Variants in WFDC2 observed in about 807,000 individuals in gnomAD.
WFDC2 encodes the protein WAP four-disulfide core domain protein 2.
A neutral mutation model predicts 12.5 loss-of-function variants in WFDC2; 8 were observed. The observed-to-expected ratio is 0.64, with a 90% CI of 0.37 to 1.15. WFDC2 has a LOEUF of 1.15. Among genes scored for constraint, WFDC2 ranks in the 50% most tolerant of loss-of-function variants. The pLI is 0.01. For missense variants in WFDC2, 166 were observed against 159.9 expected (o/e 1.04, Z -0.21); for synonymous variants, 74 against 67.2 (o/e 1.10, Z -0.49).
chr20:45,471,779 A>C (rs1270453022), intron 2 of WFDC2, among the ~76,000 whole-genome samples: 1 of 152,206 alleles, frequency 6.6e-6, no homozygotes, highest in Non-Finnish European at 1.5e-5. Context: ...AAGAGGGACA[A>C]GGTCAGATGG....
At chr20:45,471,859 G>A (rs1848763821) in intron 2 of WFDC2, among the ~76,000 whole-genome samples, 1 of 132,064 alleles carries the variant, frequency 7.6e-6, no homozygotes, top group South Asian at 2.6e-4. Context: ...ATGTGATCCT[G>A]AGCATGTTGT....
rs538749114 is a variant in WFDC2, at chr20:45,481,136, G to A, written c.*2-235G>A. ...CCACAGTATACCCAGGTGCCTGCTA[G>A]GGATGGTCTGACCACAGTATACCCA... is the stretch of plus-strand genomic sequence containing the variant. On this transcript the variant is annotated intron_variant, in intron 3 of 3. Coordinates refer to ENST00000372676, the MANE Select transcript of WFDC2 (RefSeq NM_006103.4). Among the ~76,000 whole-genome samples the A allele has an allele frequency of 6.6e-5, 10 of 152,162 alleles. No homozygotes were observed. The South Asian group carries it at 1.9e-3, about 28-fold the overall frequency.
In WFDC2 at chr20:45,470,443, G is replaced by C. The variant is rs1003038566; in HGVS notation, c.134G>C (p.Cys45Ser). 1 of 1,594,702 alleles carries C rather than the reference G, an allele frequency of 6.3e-7. No individual in the cohort carries two copies. The highest frequency in any genetic ancestry group is 8.5e-7 in the Non-Finnish European group (1 of 1,169,814). Residue 45 changes from cysteine to serine, a missense_variant, in exon 2 of 4, where the codon TGC becomes TCC. Coordinates refer to ENST00000372676, the MANE Select transcript of WFDC2 (RefSeq NM_006103.4). The surrounding 1 kb of genome is among the most constrained non-coding windows in gnomAD (Gnocchi z 5.4). The part of the protein sequence containing the change: ...VCPELQADQN[C>S]TQECVSDSEC... ...CCCGAGCTCCAGGCTGACCAGAACT[G>C]CACGCAAGAGTGCGTCTCGGACAGC...
intron 2 of WFDC2, among the ~76,000 whole-genome samples, chr20:45,477,203 C>A (rs976095247): frequency 6.6e-6 from 1 of 152,078 alleles, no homozygotes; most frequent in Non-Finnish European, 1.5e-5. Context: ...CATTCTCCGT[C>A]CAGTTTTGTT....
At chr20:45,476,118 CT>C in intron 2 of WFDC2, among the ~76,000 whole-genome samples, 1 of 152,268 alleles carries the variant, frequency 6.6e-6, no homozygotes, top group Non-Finnish European at 1.5e-5. Flanking sequence ...TGGGTCTTGA[CT>C]CTTTATCCAA....
chr20:45,480,091 T>C lies in WFDC2; in HGVS notation c.373T>C (p.Ter125ArgextTer39), dbSNP rs1991283640. 1.2e-6 allele frequency: 2 copies of C among 1,613,608 alleles called. No homozygotes were observed. Among genetic ancestry groups the C allele is most frequent in the East Asian group, 2.2e-5 (1 of 44,866 alleles). ...GKVSCVTPNF[*>R] ...GGTGTCCTGTGTCACTCCCAATTTC[T>C]GAGGTAAGTGAACGGGAAAGAGAAA... is the stretch of plus-strand genomic sequence containing the variant. Residue 125 changes from the stop codon to arginine, a stop_lost, in exon 3 of 4, where the codon TGA becomes CGA. Transcript: ENST00000372676.
Position 45,470,392 on chromosome 20 carries a change from C to G in WFDC2, c.83C>G (p.Thr28Arg). The G allele has an allele frequency of 3.2e-6, 5 of 1,585,414 alleles. No individual in the cohort carries two copies. Among genetic ancestry groups the G allele is most frequent in the Non-Finnish European group, 4.3e-6 (5 of 1,164,944 alleles). ...LLFGFTLVSG[T>R]GAEKTGVCPE... ...TGTCCCGGGCCTCCCCTCCCAGGCA[C>G]AGGAGCAGAGAAGACTGGCGTGTGC... The change falls in exon 2 of 4, where the codon ACA becomes AGA. Residue 28 changes from threonine to arginine, a missense_variant. Physicochemically the swap from Thr to Arg is moderately conservative, Grantham distance 71 (BLOSUM62 -1). Transcript: ENST00000372676. This position sits in a 1 kb window ranked among gnomAD's most constrained non-coding sequence, Gnocchi z 5.4.
chr20:45,470,382 C>A lies in WFDC2; in HGVS notation c.80-7C>A. On this transcript the variant is annotated splice_region_variant and splice_polypyrimidine_tract_variant and intron_variant, in intron 1 of 3. Transcript: ENST00000372676. This position sits in a 1 kb window ranked among gnomAD's most constrained non-coding sequence, Gnocchi z 5.4. ...CACCCTCGACTGTCCCGGGCCTCCC[C>A]TCCCAGGCACAGGAGCAGAGAAGAC... 1 of 1,579,384 alleles carries A rather than the reference C, an allele frequency of 6.3e-7. No homozygotes were observed. Among genetic ancestry groups the A allele is most frequent in the East Asian group, 2.3e-5 (1 of 43,126 alleles).
At chr20:45,476,152 C>T (rs2092368) in intron 2 of WFDC2, among the ~76,000 whole-genome samples, 49,223 of 152,012 alleles carry the variant, frequency 0.32, 9,423 homozygotes, top group East Asian at 0.62. Flanking sequence ...TGTCTTTTAA[C>T]TGGGGCATTT....
At chr20:45,477,059 C>A (rs945883268) in intron 2 of WFDC2, among the ~76,000 whole-genome samples, 10 of 151,922 alleles carry the variant, frequency 6.6e-5, no homozygotes, top group African/African-American at 2.4e-4. Flanking sequence ...ACTGGTTAAT[C>A]TAGTTAGCAA....
chr20:45,480,684 T>C (rs113884593), intron 3 of WFDC2, among the ~76,000 whole-genome samples: 1 of 152,184 alleles, frequency 6.6e-6, no homozygotes, highest in Non-Finnish European at 1.5e-5. Flanking sequence ...GTGGTTGTCA[T>C]GTGCTACTTT....
chr20:45,472,791 A>C (rs530850838), intron 2 of WFDC2, among the ~76,000 whole-genome samples: 22 of 152,340 alleles, frequency 1.4e-4, no homozygotes, highest in Non-Finnish European at 2.6e-4. Context: ...TGGTTGAACT[A>C]ATTTACACTC....
At chr20:45,477,880 G>C (rs1036535883) in intron 2 of WFDC2, among the ~76,000 whole-genome samples, 1 of 152,234 alleles carries the variant, frequency 6.6e-6, no homozygotes, top group Non-Finnish European at 1.5e-5. Context: ...AATCTAGAGA[G>C]GCAGTCTGGC....
intron 2 of WFDC2, among the ~76,000 whole-genome samples, chr20:45,473,696 G>A (rs1991199966): frequency 6.6e-6 from 1 of 152,138 alleles, no homozygotes; most frequent in African/African-American, 2.4e-5. Context: ...GAAATTTAAA[G>A]TCGTTTTTTC....
In WFDC2 at chr20:45,481,514, A is replaced by G. The variant is rs1254855008; in HGVS notation, c.*145A>G. ...ACAGCTTCTCCCTTTCCCAACCAAT[A>G]AAGTAACCACTTTCAGCACGTTCTG... is the stretch of plus-strand genomic sequence containing the variant. On this transcript the variant is annotated 3_prime_UTR_variant, in exon 4 of 4. Coordinates refer to ENST00000372676, the MANE Select transcript of WFDC2 (RefSeq NM_006103.4). 6.6e-6 allele frequency: 1 copy of G among 152,316 alleles called. No homozygotes were observed. Among genetic ancestry groups the G allele is most frequent in the Non-Finnish European group, 1.5e-5 (1 of 68,162 alleles). 9.4% of individuals were successfully genotyped at this position (152,316 alleles called of 1,614,324 possible). A position where few individuals can be genotyped will look rare whatever the true frequency, so the allele number is the denominator to read the frequency against.
In WFDC2 at chr20:45,469,801, G is replaced by T; in HGVS notation, c.20G>T (p.Gly7Val). 6.2e-7 allele frequency: 1 copy of T among 1,610,094 alleles called. No individual in the cohort carries two copies. Among genetic ancestry groups the T allele is most frequent in the Non-Finnish European group, 8.5e-7 (1 of 1,178,596 alleles). Residue 7 changes from glycine to valine, a missense_variant, in exon 1 of 4, where the codon GGC (glycine) becomes GTC (valine). Physicochemically the swap from Gly to Val is moderately radical, Grantham distance 109. Coordinates refer to ENST00000372676, the MANE Select transcript of WFDC2 (RefSeq NM_006103.4). MPACRLGPLAAALLLSL... is the reference protein window; with the variant it reads MPACRLVPLAAALLLSL... The stretch of plus-strand genomic sequence containing the variant: ...AGCACCATGCCTGCTTGTCGCCTAG[G>T]CCCGCTAGCCGCCGCCCTCCTCCTC...
chr20:45,478,288 G>A (rs1050594588), intron 2 of WFDC2, among the ~76,000 whole-genome samples: 6 of 152,178 alleles, frequency 3.9e-5, no homozygotes, highest in Admixed American at 6.5e-5. Flanking sequence ...GGCCCTGGTG[G>A]TGTAGGCACC....
At position 45,470,509 on chromosome 20, in the gene WFDC2, C is replaced by T. The variant is rs1409327143; in HGVS notation, c.200C>T (p.Ala67Val). ...CTCAAGTGCTGCAGCGCGGGCTGTG[C>T]CACCTTCTGCTCTCTGCCCAATGGT... ...DNLKCCSAGC[A>V]TFCSLPNDKE... Residue 67 changes from alanine (A) to valine (V), a missense_variant, in exon 2 of 4, where the codon GCC (alanine) becomes GTC (valine). Transcript: ENST00000372676. This position sits in a 1 kb window ranked among gnomAD's most constrained non-coding sequence, Gnocchi z 5.4. The T allele has an allele frequency of 1.3e-6, 2 of 1,598,506 alleles. No individual in the cohort carries two copies. Among genetic ancestry groups the T allele is most frequent in the Non-Finnish European group, 1.7e-6 (2 of 1,172,254 alleles).
intron 2 of WFDC2, chr20:45,471,274 T>C (rs948609282): frequency 7.1e-5 from 31 of 435,754 alleles, no homozygotes; most frequent in African/African-American, 5.5e-4. Flanking sequence ...CTGGGGACTC[T>C]CTCAAAGGTG....
Sources: allele counts gnomAD v4.1 joint callset (sites outside exome capture counted in the v4.1 genomes callset), GRCh38; gene constraint gnomAD v4.1.1; non-coding constraint Gnocchi (gnomAD v3.1); transcripts MANE v1.5; gene names NCBI Gene and HGNC (gene_info 2026-07-23, HGNC 2026-07-21).